The following SPAG16 variants were observed in gnomAD, a reference collection of about 807,000 sequenced individuals.
SPAG16 encodes sperm-associated antigen 16 protein.
SPAG16 carries 86 observed loss-of-function variants against 80.4 expected under a neutral mutation model. That is an observed-to-expected ratio of 1.07 (90% confidence interval 0.90 to 1.28). The LOEUF is 1.28. Ranked by LOEUF, SPAG16 falls within the 50% of genes most tolerant of loss-of-function variation. The pLI, the probability that SPAG16 is intolerant of heterozygous loss-of-function variation, is 0.00. For missense variants in SPAG16, 870 were observed against 765.3 expected (o/e 1.14, Z -1.61); for synonymous variants, 294 against 265.9 (o/e 1.11, Z -1.03).
At chr2:213,468,172 T>TA (rs1008089600) in intron 9 of SPAG16, among the ~76,000 whole-genome samples, 7 of 151,990 alleles carry the variant, frequency 4.6e-5, no homozygotes, top group African/African-American at 1.7e-4. Flanking sequence ...AGGCTTCTCT[T>TA]AGCCTCTCCA....
intron 10 of SPAG16, among the ~76,000 whole-genome samples, chr2:213,518,496 C>A (rs1044466632): frequency 1.3e-5 from 2 of 152,104 alleles, no homozygotes; most frequent in Admixed American, 6.5e-5. Flanking sequence ...CTAAAGCATT[C>A]CTCCCACCTC....
chr2:214,205,333 G>T lies in SPAG16; in HGVS notation c.1720+56067G>T, dbSNP rs746513218. Among the ~76,000 whole-genome samples, 61 of 152,230 alleles carry T rather than the reference G, an allele frequency of 4.0e-4. 2 individuals carry two copies. The highest frequency in any genetic ancestry group is 3.4e-3 in the Middle Eastern group (1 of 294). ...AAACAATCACAACTCCTGGAAATGA[G>T]GGACACACTTAGAGAAATGCAAAAC... On this transcript the variant is annotated intron_variant, in intron 15 of 15. Coordinates refer to ENST00000331683, the MANE Select transcript of SPAG16 (RefSeq NM_024532.5).
intron 11 of SPAG16, among the ~76,000 whole-genome samples, chr2:213,902,825 C>T (rs912673675): frequency 3.9e-5 from 6 of 152,296 alleles, no homozygotes; most frequent in Middle Eastern, 3.4e-3. Flanking sequence ...AAATCAAAAG[C>T]AAGCTACTTC....
intron 9 of SPAG16, among the ~76,000 whole-genome samples, chr2:213,473,371 T>G (rs1455591168): frequency 6.6e-6 from 1 of 152,218 alleles, no homozygotes; most frequent in African/African-American, 2.4e-5. Flanking sequence ...TTCCTACTAT[T>G]AGATCTGACA....
chr2:213,302,971 A>C (rs1023672945), intron 3 of SPAG16, among the ~76,000 whole-genome samples: 1 of 152,228 alleles, frequency 6.6e-6, no homozygotes, highest in East Asian at 1.9e-4. Flanking sequence ...CTGTTTTCCA[A>C]GTTCCTTCCA....
rs1420141734 is a variant in SPAG16, at chr2:213,292,673, A to AAAAC, written c.137-3389_137-3388insACAA. On this transcript the variant is annotated intron_variant, in intron 1 of 15. Transcript: ENST00000331683. ...AGCGAGACTCCGTCTCAAAAAAAAA[A>AAAAC]AACAAAAAAAACAAAAAAAAACAAA... Among the ~76,000 whole-genome samples the AAAAC allele has an allele frequency of 3.8e-5, 5 of 130,480 alleles. 1 individual carries two copies. Among genetic ancestry groups the AAAAC allele is most frequent in the African/African-American group, 1.1e-4 (4 of 35,588 alleles). 85.6% of individuals were successfully genotyped at this position (130,480 alleles called of 152,430 possible).
intron 9 of SPAG16, among the ~76,000 whole-genome samples, chr2:213,397,990 T>A (rs1204628890): frequency 6.6e-6 from 1 of 152,196 alleles, no homozygotes; most frequent in Non-Finnish European, 1.5e-5. Context: ...ATGTTCTCCT[T>A]CTTAATTAAT....
intron 10 of SPAG16, among the ~76,000 whole-genome samples, chr2:213,850,758 C>T (rs995201630): frequency 5.3e-5 from 8 of 151,822 alleles, no homozygotes; most frequent in Non-Finnish European, 1.0e-4. Flanking sequence ...GAATGTGTGT[C>T]GATGAGGTTT....
At chr2:214,284,725 T>C (rs1173952838) in intron 15 of SPAG16, among the ~76,000 whole-genome samples, 1 of 152,230 alleles carries the variant, frequency 6.6e-6, no homozygotes, top group Non-Finnish European at 1.5e-5. Flanking sequence ...GTTTTTCCAA[T>C]CTAGTCAAAC....
At chr2:213,948,390 A>T (rs1359605086) in intron 12 of SPAG16, among the ~76,000 whole-genome samples, 4 of 152,194 alleles carry the variant, frequency 2.6e-5, no homozygotes, top group Non-Finnish European at 4.4e-5. Context: ...ACTTCTCCTC[A>T]TGAAGACCCC....
intron 11 of SPAG16, among the ~76,000 whole-genome samples, chr2:213,867,231 G>A (rs778268592): frequency 6.6e-6 from 1 of 152,132 alleles, no homozygotes; most frequent in Non-Finnish European, 1.5e-5. Context: ...GCATTTACTT[G>A]GTAGACTGAT....
chr2:213,823,852 A>G (rs1031696457), intron 10 of SPAG16, among the ~76,000 whole-genome samples: 4 of 152,056 alleles, frequency 2.6e-5, no homozygotes, highest in Non-Finnish European at 5.9e-5. Flanking sequence ...ATTTTCTCCC[A>G]TTTTGTAGGC....
intron 10 of SPAG16, among the ~76,000 whole-genome samples, chr2:213,653,972 C>T (rs2063120017): frequency 6.6e-6 from 1 of 151,984 alleles, no homozygotes; most frequent in Non-Finnish European, 1.5e-5. Context: ...TTTAATAGCA[C>T]TTTTGAAGAT....
chr2:213,628,456 A>G (rs952366568), intron 10 of SPAG16, among the ~76,000 whole-genome samples: 1 of 152,344 alleles, frequency 6.6e-6, no homozygotes, highest in Admixed American at 6.5e-5. Context: ...GAAATTATGA[A>G]GAGTCTTATT....
At chr2:214,097,484 C>T (rs937968850) in intron 13 of SPAG16, among the ~76,000 whole-genome samples, 5 of 152,006 alleles carry the variant, frequency 3.3e-5, no homozygotes, top group African/African-American at 1.2e-4. Context: ...TGCTGTGCAG[C>T]TGTCAGATGG....
chr2:213,845,242 G>A (rs1246533310), intron 10 of SPAG16, among the ~76,000 whole-genome samples: 2 of 149,298 alleles, frequency 1.3e-5, no homozygotes, highest in South Asian at 4.2e-4. Context: ...CTGTTGCCCA[G>A]GCTGGAGTGC....
intron 1 of SPAG16, among the ~76,000 whole-genome samples, chr2:213,289,300 A>C (rs1052687442): frequency 4.6e-5 from 7 of 152,238 alleles, no homozygotes; most frequent in African/African-American, 1.7e-4. Context: ...GAAGTTGGAA[A>C]GACTTATACC....
intron 15 of SPAG16, among the ~76,000 whole-genome samples, chr2:214,287,087 C>T (rs1314880555): frequency 6.6e-6 from 1 of 152,160 alleles, no homozygotes; most frequent in African/African-American, 2.4e-5. Flanking sequence ...TATAATTACA[C>T]CATCAGAAAC....
Position 214,111,488 on chromosome 2 carries a change from A to C in SPAG16, c.1593+3227A>C, listed in dbSNP as rs145795907. ...GGGCTCTGTTCTGTTCCATTGGTCT[A>C]TATCTCTGTTTTGATACTAGTACCA... On this transcript the variant is annotated intron_variant, in intron 14 of 15. Transcript: ENST00000331683. Among the ~76,000 whole-genome samples the C allele has an allele frequency of 9.0e-3, 1,373 of 152,184 alleles. 17 individuals are homozygous for C. The highest frequency in any genetic ancestry group is 0.031 in the African/African-American group (1,297 of 41,512).
Sources: allele counts gnomAD v4.1 joint callset (sites outside exome capture counted in the v4.1 genomes callset), GRCh38; gene constraint gnomAD v4.1.1; transcripts MANE v1.5; gene names NCBI Gene and HGNC (gene_info 2026-07-23, HGNC 2026-07-21).